Variants in MARCHF11 observed in about 807,000 individuals in gnomAD.
MARCHF11 encodes membrane associated ring-CH-type finger 11, also known as E3 ubiquitin-protein ligase MARCHF11.
In MARCHF11, 29 loss-of-function variants were observed where a neutral mutation model predicts 37.3. That is an observed-to-expected ratio of 0.78 (90% CI 0.58 to 1.06). The LOEUF is 1.06. Ranked by LOEUF, MARCHF11 falls within the 50% of genes least tolerant of loss-of-function variation. MARCHF11 has a pLI of 0.00. For missense variants in MARCHF11, 482 were observed against 533.4 expected (o/e 0.90, Z 0.95); for synonymous variants, 233 against 228.0 (o/e 1.02, Z -0.20).
chr5:16,154,606 G>A (rs559327485), intron 2 of MARCHF11, among the ~76,000 whole-genome samples: 6 of 151,576 alleles, frequency 4.0e-5, no homozygotes, highest in South Asian at 2.2e-4. Context: ...AAAAAGGGAG[G>A]GGGGGGAGGA....
At chr5:16,133,804 T>TA (rs113440597) in intron 2 of MARCHF11, among the ~76,000 whole-genome samples, 28,797 of 150,644 alleles carry the variant, frequency 0.19, 2,860 homozygotes, top group East Asian at 0.3. Context: ...TGATGAGCTT[T>TA]AAAAAAAAAA....
chr5:16,136,772 A>T (rs1737617080), intron 2 of MARCHF11, among the ~76,000 whole-genome samples: 1 of 152,206 alleles, frequency 6.6e-6, no homozygotes. Context: ...AAAAGTAAAT[A>T]GCAGGATAGC....
At chr5:16,109,494 A>C (rs1227941961) in intron 2 of MARCHF11, among the ~76,000 whole-genome samples, 1 of 152,228 alleles carries the variant, frequency 6.6e-6, no homozygotes, top group Non-Finnish European at 1.5e-5. Flanking sequence ...GTGCCCGGAG[A>C]GGGCATGCAA....
At chr5:16,078,565 T>C (rs1224524125) in intron 3 of MARCHF11, among the ~76,000 whole-genome samples, 1 of 152,208 alleles carries the variant, frequency 6.6e-6, no homozygotes, top group Non-Finnish European at 1.5e-5. Flanking sequence ...AAGCATCATT[T>C]AGAAGAATGG....
At chr5:16,078,552 T>A (rs1233477756) in intron 3 of MARCHF11, among the ~76,000 whole-genome samples, 1 of 152,194 alleles carries the variant, frequency 6.6e-6, no homozygotes, top group African/African-American at 2.4e-5. Context: ...GTGTTCTGCA[T>A]GGAAGCATCA....
chr5:16,157,759 C>T (rs375931558), intron 2 of MARCHF11, among the ~76,000 whole-genome samples: 1 of 151,746 alleles, frequency 6.6e-6, no homozygotes, highest in Admixed American at 6.6e-5. Context: ...GGAAAACCTC[C>T]AAGAGATTGA....
Position 16,077,332 on chromosome 5 carries a change from G to A in MARCHF11, c.887-9539C>T, listed in dbSNP as rs1051060399. On this transcript the variant is annotated intron_variant, in intron 3 of 3. Transcript: ENST00000332432. ...AACTAATTTTCTGTTTTTCTCCAAC[G>A]GATAAACTGTCTACTGCAAACTCAC... is the stretch of plus-strand genomic sequence containing the variant. 6.6e-5 allele frequency among the ~76,000 whole-genome samples: 10 copies of A among 151,894 alleles called. No individual in the cohort carries two copies. In the East Asian group the frequency reaches 1.7e-3, roughly 26 times the overall value.
intron 3 of MARCHF11, among the ~76,000 whole-genome samples, chr5:16,084,828 A>G (rs1465989039): frequency 6.6e-6 from 1 of 151,744 alleles, no homozygotes; most frequent in Non-Finnish European, 1.5e-5. Flanking sequence ...TCATTCTGGC[A>G]TATCTCAGGT....
At chr5:16,096,298 T>C (rs1736867404) in intron 2 of MARCHF11, among the ~76,000 whole-genome samples, 1 of 152,244 alleles carries the variant, frequency 6.6e-6, no homozygotes, top group African/African-American at 2.4e-5. Flanking sequence ...ATTTCTTGAA[T>C]CTGAAAGCTG....
chr5:16,112,891 G>A (rs568338095), intron 2 of MARCHF11, among the ~76,000 whole-genome samples: 1 of 152,210 alleles, frequency 6.6e-6, no homozygotes, highest in Non-Finnish European at 1.5e-5. Flanking sequence ...GGAGCCGATG[G>A]TTTTATAAGG....
intron 2 of MARCHF11, among the ~76,000 whole-genome samples, chr5:16,169,562 A>G (rs1738224456): frequency 6.6e-6 from 1 of 152,146 alleles, no homozygotes; most frequent in Non-Finnish European, 1.5e-5. Context: ...CTTTGCTGAT[A>G]TAGAAATGTT....
intron 2 of MARCHF11, among the ~76,000 whole-genome samples, chr5:16,165,924 A>C (rs1738161747): frequency 2.0e-5 from 3 of 152,054 alleles, no homozygotes; most frequent in Admixed American, 6.6e-5. Flanking sequence ...ATATACATAA[A>C]TTATTTGGGA....
intron 3 of MARCHF11, among the ~76,000 whole-genome samples, chr5:16,086,233 C>T (rs776989441): frequency 2.0e-5 from 3 of 151,974 alleles, no homozygotes; most frequent in Admixed American, 6.6e-5. Flanking sequence ...AAATAAAATG[C>T]GGAAGTATCC....
intron 2 of MARCHF11, among the ~76,000 whole-genome samples, chr5:16,142,817 G>A (rs1210063340): frequency 7.3e-6 from 1 of 137,762 alleles, no homozygotes; most frequent in African/African-American, 2.7e-5. Context: ...TCAGCCTCCC[G>A]AGTAGCTGAG....
At chr5:16,140,296 A>G (rs1482948194) in intron 2 of MARCHF11, among the ~76,000 whole-genome samples, 1 of 152,186 alleles carries the variant, frequency 6.6e-6, no homozygotes, top group African/African-American at 2.4e-5. Context: ...AATAACCAAA[A>G]TAAAGAAAAA....
chr5:16,118,591 T>C (rs1272964203), intron 2 of MARCHF11, among the ~76,000 whole-genome samples: 2 of 151,738 alleles, frequency 1.3e-5, no homozygotes, highest in South Asian at 4.2e-4. Context: ...ACCTAGGGAG[T>C]GGGATTCATG....
intron 2 of MARCHF11, among the ~76,000 whole-genome samples, chr5:16,174,899 T>A (rs1175400328): frequency 6.6e-6 from 1 of 152,162 alleles, no homozygotes; most frequent in African/African-American, 2.4e-5. Context: ...TGAATCTGAG[T>A]TGGGCCTCTG....
intron 2 of MARCHF11, chr5:16,129,175 T>A (rs908873147): frequency 1.3e-5 from 2 of 152,206 alleles, no homozygotes; most frequent in African/African-American, 4.8e-5. Flanking sequence ...GCCATTTGCA[T>A]GAAACTGACA....
At chr5:16,110,670 A>G (rs912160315) in intron 2 of MARCHF11, among the ~76,000 whole-genome samples, 15 of 152,382 alleles carry the variant, frequency 9.8e-5, no homozygotes, top group Non-Finnish European at 4.4e-5. Context: ...AATAAAAATT[A>G]TAGGTCTTTA....
Sources: gnomAD v4.1 joint callset for allele counts (sites outside exome capture counted in the v4.1 genomes callset) on GRCh38, gnomAD v4.1.1 for gene constraint, MANE v1.5 for transcripts, NCBI Gene and HGNC (gene_info 2026-07-23, HGNC 2026-07-21) for gene names.